SLC12A9: variants seen among roughly 807,000 people sequenced by gnomAD.
SLC12A9 encodes the protein CCC-interacting protein 1.
In SLC12A9, 55 loss-of-function variants were observed where a neutral mutation model predicts 66.0. That is an observed-to-expected ratio of 0.83 (90% confidence interval 0.67 to 1.04). The LOEUF (loss-of-function observed/expected upper bound fraction) is 1.04. Among genes scored for constraint, SLC12A9 ranks in the 50% least tolerant of loss-of-function variants. The pLI is 0.00. For missense variants in SLC12A9, 1,061 were observed against 1,241.9 expected, an observed-to-expected ratio of 0.85 and a Z score of 2.19; for synonymous variants, 577 against 569.0, an observed-to-expected ratio of 1.01 and a Z score of -0.20.
chr7:100,833,433 C>T (rs1312724716), intron 1 of SLC12A9, among the ~76,000 whole-genome samples: 3 of 152,020 alleles, frequency 2.0e-5, no homozygotes, highest in African/African-American at 7.2e-5. Flanking sequence ...TGTACCACTG[C>T]ACTCCAGGCT....
chr7:100,837,572 G>A (rs1409884625), intron 1 of SLC12A9: 4 of 152,252 alleles, frequency 2.6e-5, no homozygotes, highest in Admixed American at 1.3e-4. Context: ...GCGGATTCCG[G>A]AGGATTCCTG....
At position 100,866,588 on chromosome 7, in the gene SLC12A9, A is replaced by G; in HGVS notation, c.2728A>G (p.Thr910Ala). 6.3e-7 allele frequency: 1 copy of G among 1,582,290 alleles called. No homozygotes were observed. Among genetic ancestry groups the G allele is most frequent in the South Asian group, 1.2e-5 (1 of 86,548 alleles). The change falls in exon 14 of 14, where the codon ACC (threonine) becomes GCC (alanine). Residue 910 changes from threonine to alanine, a missense_variant. Physicochemically the swap from Thr to Ala is moderately conservative, Grantham distance 58. Coordinates refer to ENST00000354161, the MANE Select transcript of SLC12A9 (RefSeq NM_020246.4). This position sits in a 1 kb window ranked among gnomAD's most constrained non-coding sequence, Gnocchi z 7.3. ...TLLVHGVTPVTCTDL is the reference protein window; with the variant it reads ...TLLVHGVTPVACTDL ...GCTGGTTCATGGGGTCACTCCAGTC[A>G]CCTGCACTGATCTGTGATGCCCCTG... is the stretch of plus-strand genomic sequence containing the variant.
intron 2 of SLC12A9, 42 bp downstream of exon 2, chr7:100,854,420 G>A (rs1306427288): frequency 6.2e-7 from 1 of 1,601,386 alleles, no homozygotes; most frequent in Non-Finnish European, 8.5e-7. Flanking sequence ...CTATAGTATG[G>A]GAGGACATGA....
chr7:100,835,662 A>G (rs1813640952), intron 1 of SLC12A9, among the ~76,000 whole-genome samples: 1 of 151,808 alleles, frequency 6.6e-6, no homozygotes, highest in Admixed American at 6.6e-5. Context: ...AAAAAAAAAC[A>G]ACAAAAAAAC....
Position 100,860,310 on chromosome 7 carries a change from G to C in SLC12A9, c.1218+78G>C. The C allele has an allele frequency of 4.1e-6, 6 of 1,449,878 alleles. No individual in the cohort carries two copies. The South Asian group carries it at 6.0e-5, about 14-fold the overall frequency. The allele number at this position is 1,449,878 out of a possible 1,614,324, so 89.8% of individuals were successfully genotyped here. A position where few individuals can be genotyped will look rare whatever the true frequency, so the allele number is the denominator to read the frequency against. On this transcript the variant is annotated intron_variant, in intron 9 of 13. Transcript: ENST00000354161. ...TGGGGGTGCAGTTAGATGCAGGCTG[G>C]GAGACAAATGTAAAGACAAATGCGT...
chr7:100,866,171 T>C lies in SLC12A9; in HGVS notation c.2311T>C (p.Cys771Arg). The change falls in exon 14 of 14, where the codon TGC becomes CGC. Residue 771 changes from cysteine (C) to arginine (R), a missense_variant. Cys to Arg is a radical substitution (Grantham distance 180). Coordinates refer to ENST00000354161, the MANE Select transcript of SLC12A9 (RefSeq NM_020246.4). The surrounding 1 kb of genome is among the most constrained non-coding windows in gnomAD (Gnocchi z 7.3). ...TAGCGCCCGGCTCCGGATCTTCCTG[T>C]GCCTGGGGCCTCGGGAGGCGCCTGG... The part of the protein sequence containing the change: ...WHSARLRIFL[C>R]LGPREAPGAA... 6.2e-7 allele frequency: 1 copy of C among 1,611,566 alleles called. No homozygotes were observed. Among genetic ancestry groups the C allele is most frequent in the Non-Finnish European group, 8.5e-7 (1 of 1,179,312 alleles).
Position 100,861,204 on chromosome 7 carries a change from T to A in SLC12A9, c.1285T>A (p.Tyr429Asn). 6.2e-7 allele frequency: 1 copy of A among 1,614,232 alleles called. No homozygotes were observed. The highest frequency in any genetic ancestry group is 8.5e-7 in the Non-Finnish European group (1 of 1,180,032). Reference sequence around the variant, plus strand: ...GGTCACTGTCTTCTACCTGGTGGCCTATGCTGCCGTGGACCTGTCCTGCCT... The same window carrying A: ...GGTCACTGTCTTCTACCTGGTGGCCAATGCTGCCGTGGACCTGTCCTGCCT... ...AVVTVFYLVA[Y>N]AAVDLSCLSL... Residue 429 changes from tyrosine (Y) to asparagine (N), a missense_variant, in exon 10 of 14, where the codon TAT (tyrosine) becomes AAT (asparagine). Tyr to Asn is a moderately radical substitution (Grantham distance 143, BLOSUM62 -2). Coordinates refer to ENST00000354161, the MANE Select transcript of SLC12A9 (RefSeq NM_020246.4). The surrounding 1 kb of genome is among the most constrained non-coding windows in gnomAD (Gnocchi z 5.3).
At chr7:100,847,228 G>A (rs566656739) in intron 1 of SLC12A9, among the ~76,000 whole-genome samples, 1 of 152,342 alleles carries the variant, frequency 6.6e-6, no homozygotes, top group South Asian at 2.1e-4. Context: ...CTAAACGCCT[G>A]ACCTCAAGTG....
chr7:100,849,036 A>G (rs1188296007), upstream of SLC12A9, among the ~76,000 whole-genome samples: 1 of 146,620 alleles, frequency 6.8e-6, no homozygotes, highest in Non-Finnish European at 1.5e-5. Flanking sequence ...CCTAGGTGGG[A>G]GTGCCTGAAC....
At chr7:100,828,077 G>A (rs567485555) in intron 1 of SLC12A9, among the ~76,000 whole-genome samples, 4 of 152,338 alleles carry the variant, frequency 2.6e-5, no homozygotes, top group Admixed American at 6.5e-5. Context: ...GCCTCAAGGA[G>A]CAATCCCAGT....
intron 1 of SLC12A9, among the ~76,000 whole-genome samples, chr7:100,831,086 C>G (rs1478658196): frequency 6.6e-6 from 1 of 152,242 alleles, no homozygotes; most frequent in Non-Finnish European, 1.5e-5. Flanking sequence ...TTGTTCCCAG[C>G]CCAGAGCAAT....
Position 100,826,963 on chromosome 7 carries a change from CCG to C in SLC12A9, n.146_147del, listed in dbSNP as rs1491219865. 47,493 of 1,515,374 alleles carry C rather than the reference CCG, an allele frequency of 0.031. 965 individuals are homozygous for C. The highest frequency in any genetic ancestry group is 0.1 in the African/African-American group (7,352 of 71,238). 93.9% of individuals were successfully genotyped at this position (1,515,374 alleles called of 1,614,324 possible). Reference sequence around the variant, plus strand: ...CAGGAGTGACGGGGTGCGCCCCCCCCCGCAAGGAAACTCACCTTCCAAAGCTG... The same window carrying C: ...CAGGAGTGACGGGGTGCGCCCCCCCCCAAGGAAACTCACCTTCCAAAGCTG... On this transcript the variant is annotated non_coding_transcript_exon_variant, in exon 1 of 2. Transcript: ENST00000461016.
chr7:100,862,606 G>A (rs999663574), intron 12 of SLC12A9, 75 bp from the exon 13 acceptor site: 51 of 1,568,274 alleles, frequency 3.3e-5, no homozygotes, highest in Middle Eastern at 1.8e-4. Flanking sequence ...GCCCAGGCCC[G>A]TCTGTGATTT....
chr7:100,853,882 C>T (rs1814225018), intron 1 of SLC12A9, among the ~76,000 whole-genome samples: 1 of 152,166 alleles, frequency 6.6e-6, no homozygotes, highest in Non-Finnish European at 1.5e-5. Context: ...GCATGAGCCA[C>T]CATGCCCAGC....
intron 1 of SLC12A9, among the ~76,000 whole-genome samples, chr7:100,838,147 C>T (rs1813707025): frequency 6.6e-6 from 1 of 152,050 alleles, no homozygotes; most frequent in African/African-American, 2.4e-5. Context: ...AGGCGTGAGC[C>T]ACCGCACCCG....
intron 13 of SLC12A9, chr7:100,865,218 A>G: frequency 6.5e-7 from 1 of 1,527,940 alleles, no homozygotes; most frequent in Non-Finnish European, 8.8e-7. Context: ...TCAGCTTCCC[A>G]AGATGCTGCG....
Position 100,854,374 on chromosome 7 carries a change from G to A in SLC12A9, c.177G>A (p.Arg59=). Residue 59 remains arginine, a synonymous_variant, in exon 2 of 14, where the codon AGG becomes AGA. Coordinates refer to ENST00000354161, the MANE Select transcript of SLC12A9 (RefSeq NM_020246.4). ...LSMFSIVVFL[R]IGFVVGHAGL... ...TGTTCAGCATAGTTGTTTTTCTGAG[G>A]ATTGGTGAGTGGGTCCTGGGGCGGG... 2 of 1,613,292 alleles carry A rather than the reference G, an allele frequency of 1.2e-6. No individual in the cohort carries two copies. The highest frequency in any genetic ancestry group is 1.7e-6 in the Non-Finnish European group (2 of 1,179,796).
chr7:100,845,137 TC>T (rs924821034), intron 1 of SLC12A9, among the ~76,000 whole-genome samples: 4 of 151,470 alleles, frequency 2.6e-5, no homozygotes, highest in African/African-American at 9.7e-5. Flanking sequence ...ACTTCATCCT[TC>T]CTGTAGGAAG....
rs781235274 is a variant in SLC12A9 at position 100,858,933 on chromosome 7, A to G, written c.856A>G (p.Asn286Asp). The change falls in exon 6 of 14, where the codon AAC becomes GAC. Residue 286 changes from asparagine (N) to aspartate (D), a missense_variant. Transcript: ENST00000354161. ...NGCTGIMAGA[N>D]MSGELKDPSR... ...CTGTACAGGCATCATGGCTGGGGCC[A>G]ACATGTCAGGTGAGAGTCCCTGCCT... 6.2e-7 allele frequency: 1 copy of G among 1,614,036 alleles called. No individual in the cohort carries two copies. The highest frequency in any genetic ancestry group is 8.5e-7 in the Non-Finnish European group (1 of 1,180,004).
Sources: allele counts gnomAD v4.1 joint callset (sites outside exome capture counted in the v4.1 genomes callset), GRCh38; gene constraint gnomAD v4.1.1; non-coding constraint Gnocchi (gnomAD v3.1); transcripts MANE v1.5; gene names NCBI Gene and HGNC (gene_info 2026-07-23, HGNC 2026-07-21).